SUSD4: variants seen among roughly 807,000 people sequenced by gnomAD.
SUSD4 encodes the protein sushi domain-containing protein 4.
Under a neutral mutation model 50.5 loss-of-function variants are expected in SUSD4, and 41 were observed. The ratio of observed to expected loss-of-function variants is 0.81; its 90% CI spans 0.63 to 1.05. SUSD4 has a LOEUF of 1.05. Ranked by LOEUF, SUSD4 falls within the 50% of genes least tolerant of loss-of-function variation. The pLI, the probability that SUSD4 is intolerant of heterozygous loss-of-function variation, is 0.00. For synonymous variants in SUSD4, 257 were observed against 257.3 expected (o/e 1.00, Z 0.01); for missense variants, 580 against 634.7 (o/e 0.91, Z 0.93).
chr1:223,226,996 T>C (rs1659560637), intron 7 of SUSD4, among the ~76,000 whole-genome samples: 1 of 152,168 alleles, frequency 6.6e-6, no homozygotes, highest in South Asian at 2.1e-4. Flanking sequence ...AGGCTGAAGA[T>C]ACCAACCCGA....
At position 223,327,951 on chromosome 1, in the gene SUSD4, A is replaced by G. The variant is rs927213995; in HGVS notation, c.149-35300T>C. On this transcript the variant is annotated intron_variant, in intron 2 of 8. Transcript: ENST00000366878. ...GTCTTGCTTGGCTCTGATCCCCAGG[A>G]AAGAGTACAGTAGGGAGAAGAGAGA... Among the ~76,000 whole-genome samples, 34 of 152,200 alleles carry G rather than the reference A, an allele frequency of 2.2e-4. 1 individual carries two copies. Among genetic ancestry groups the G allele is most frequent in the African/African-American group, 7.5e-4 (31 of 41,444 alleles).
At chr1:223,303,522 C>A (rs2103186797) in intron 2 of SUSD4, among the ~76,000 whole-genome samples, 1 of 150,682 alleles carries the variant, frequency 6.6e-6, no homozygotes, top group Non-Finnish European at 1.5e-5. Context: ...TTTTGACCTG[C>A]AAATTGTGAC....
intron 5 of SUSD4, among the ~76,000 whole-genome samples, chr1:223,244,648 G>A (rs796564925): frequency 6.6e-6 from 1 of 152,216 alleles, no homozygotes; most frequent in African/African-American, 2.4e-5. Context: ...GAGAACTGGT[G>A]ACTAAAATCT....
At chr1:223,285,802 G>T (rs1024880137) in intron 3 of SUSD4, among the ~76,000 whole-genome samples, 1 of 152,160 alleles carries the variant, frequency 6.6e-6, no homozygotes, top group African/African-American at 2.4e-5. Flanking sequence ...ATAACATGTG[G>T]ACACAAAGTG....
At chr1:223,234,961 A>C in intron 5 of SUSD4, 1 of 1,583,960 alleles carries the variant, frequency 6.3e-7, no homozygotes, top group Non-Finnish European at 8.5e-7. Flanking sequence ...TTTAGAACAG[A>C]GATGTGGTGG....
intron 4 of SUSD4, 29 bp downstream of exon 4, chr1:223,268,473 A>G: frequency 6.3e-7 from 1 of 1,593,800 alleles, no homozygotes; most frequent in Non-Finnish European, 8.5e-7. Context: ...ATAATAGCCC[A>G]GCTGAGAACT....
intron 4 of SUSD4, among the ~76,000 whole-genome samples, chr1:223,266,894 G>A (rs1215849271): frequency 6.6e-6 from 1 of 152,224 alleles, no homozygotes; most frequent in African/African-American, 2.4e-5. Flanking sequence ...TGGAGCAGTG[G>A]CAGCTCCAGC....
intron 4 of SUSD4, among the ~76,000 whole-genome samples, chr1:223,268,044 C>T (rs28701602): frequency 0.6 from 26,128 of 43,234 alleles, 6,226 homozygotes; most frequent in African/African-American, 0.77. Context: ...TATATATATA[C>T]ACACACACTG....
At chr1:223,251,887 T>C (rs1471448001) in intron 5 of SUSD4, among the ~76,000 whole-genome samples, 1 of 152,114 alleles carries the variant, frequency 6.6e-6, no homozygotes, top group African/African-American at 2.4e-5. Context: ...AAAGTGTTCC[T>C]ATTTCTCCAC....
chr1:223,225,421 AC>A (rs1362810514), intron 7 of SUSD4, among the ~76,000 whole-genome samples: 73 of 151,846 alleles, frequency 4.8e-4, no homozygotes, highest in African/African-American at 1.3e-3. Context: ...ATGGTGGTGG[AC>A]TCCTTGTCCC....
chr1:223,241,258 T>C (rs753839621), intron 5 of SUSD4, among the ~76,000 whole-genome samples: 1 of 152,160 alleles, frequency 6.6e-6, no homozygotes, highest in African/African-American at 2.4e-5. Context: ...GATTTTTATG[T>C]GAGAAAAATG....
In SUSD4 at chr1:223,264,772, A is replaced by C; in HGVS notation, c.582T>G (p.Ser194=). ...LASSNGYVNI[S]ELQTSFPVGT... ...CCACCGGGAAGGAGGTCTGGAGCTC[A>C]GAGATGTTTACATAGCCATTAGAAG... The change falls in exon 5 of 9, where the codon TCT becomes TCG. Residue 194 remains serine (S), a synonymous_variant. Transcript: ENST00000366878. 6.2e-7 allele frequency: 1 copy of C among 1,614,238 alleles called. No individual in the cohort carries two copies. Among genetic ancestry groups the C allele is most frequent in the Non-Finnish European group, 8.5e-7 (1 of 1,180,036 alleles).
chr1:223,352,076 C>A (rs1450874276), intron 2 of SUSD4, among the ~76,000 whole-genome samples: 1 of 152,118 alleles, frequency 6.6e-6, no homozygotes, highest in African/African-American at 2.4e-5. Context: ...GATTAAAGCC[C>A]CTGTTAACCA....
intron 5 of SUSD4, among the ~76,000 whole-genome samples, chr1:223,239,462 TTTAATTGAGCATTTTATC>T (rs1163043685): frequency 1.3e-5 from 2 of 152,112 alleles, no homozygotes; most frequent in East Asian, 3.8e-4. Flanking sequence ...TCTTTTTGGT[TTTAATTGAGCATTTTATC>T]TGATTACATT....
intron 2 of SUSD4, 150 bp downstream of exon 2, chr1:223,363,128 G>GC: frequency 1.0e-6 from 1 of 957,714 alleles, no homozygotes; most frequent in East Asian, 3.0e-5. Flanking sequence ...GAGAAGGGCG[G>GC]CCATAGGCTG....
At chr1:223,313,566 A>G (rs1442131743) in intron 2 of SUSD4, among the ~76,000 whole-genome samples, 2 of 152,110 alleles carry the variant, frequency 1.3e-5, no homozygotes, top group East Asian at 3.9e-4. Flanking sequence ...AGGCATTTGA[A>G]CTAGGGTGAC....
chr1:223,303,793 G>A (rs1449810393), intron 2 of SUSD4, among the ~76,000 whole-genome samples: 4 of 152,152 alleles, frequency 2.6e-5, no homozygotes, highest in African/African-American at 7.2e-5. Context: ...ATGGTCACAT[G>A]GGGATGAAGT....
intron 5 of SUSD4, among the ~76,000 whole-genome samples, chr1:223,255,449 T>C (rs1386689290): frequency 6.6e-6 from 1 of 152,162 alleles, no homozygotes; most frequent in Non-Finnish European, 1.5e-5. Flanking sequence ...CAGAACCCGA[T>C]GTATGATTTT....
intron 2 of SUSD4, among the ~76,000 whole-genome samples, chr1:223,346,888 A>G (rs1668062426): frequency 2.0e-5 from 3 of 152,282 alleles, no homozygotes; most frequent in Middle Eastern, 6.8e-3. Context: ...TTCCCTGGCC[A>G]TGAACCTATC....
Sources: gnomAD v4.1 joint callset for allele counts (sites outside exome capture counted in the v4.1 genomes callset) on GRCh38, gnomAD v4.1.1 for gene constraint, MANE v1.5 for transcripts, NCBI Gene and HGNC (gene_info 2026-07-23, HGNC 2026-07-21) for gene names.